FGL2: variants seen among roughly 807,000 people sequenced by gnomAD.
The protein encoded by FGL2 is fibrinogen like 2, also known as fibroleukin.
FGL2 carries 21 observed loss-of-function variants against 36.0 expected under a neutral mutation model. That is an observed-to-expected ratio of 0.58 (90% CI 0.41 to 0.84). The LOEUF (loss-of-function observed/expected upper bound fraction) is 0.84. Among genes scored for constraint, FGL2 ranks in the 40% least tolerant of loss-of-function variants. The pLI, the probability that FGL2 is intolerant of heterozygous loss-of-function variation, is 0.00. For missense variants in FGL2, 444 were observed against 526.3 expected (o/e 0.84, Z 1.53); for synonymous variants, 183 against 190.7 (o/e 0.96, Z 0.33).
Position 77,199,584 on chromosome 7 carries a change from C to T in FGL2, c.210G>A (p.Lys70=). ...ACACCTCCTCGATCCTGCTGAATTG[C>T]TTCGGGAGCTGAATAGTCAAGGGGG... ...SLPPLTIQLP[K]QFSRIEEVFK... The change falls in exon 1 of 2, where the codon AAG becomes AAA. Residue 70 remains lysine, a synonymous_variant. Transcript: ENST00000248598. The T allele has an allele frequency of 6.2e-7, 1 of 1,614,152 alleles. No homozygotes were observed.
chr7:77,197,215 A>T (rs956613100), intron 1 of FGL2, among the ~76,000 whole-genome samples: 3 of 152,264 alleles, frequency 2.0e-5, no homozygotes, highest in Non-Finnish European at 4.4e-5. Flanking sequence ...TAATAATGAC[A>T]GCATCAACAG....
In FGL2 at chr7:77,196,317, C is replaced by T; in HGVS notation, c.1282G>A (p.Ala428Thr). 6.2e-7 allele frequency: 1 copy of T among 1,614,030 alleles called. No homozygotes were observed. Among genetic ancestry groups the T allele is most frequent in the Non-Finnish European group, 8.5e-7 (1 of 1,179,976 alleles). ...TGCTTGGGTCTGATCATCATCTTAGCCTCTTTGAAGGAGGACTTGTAGCCA... is the reference window on the plus strand; with the variant it reads ...TGCTTGGGTCTGATCATCATCTTAGTCTCTTTGAAGGAGGACTTGTAGCCA... ...PGGYKSSFKE[A>T]KMMIRPKHFK... is the part of the protein sequence containing the mutation. Residue 428 changes from alanine to threonine, a missense_variant, in exon 2 of 2, where the codon GCT becomes ACT. Ala to Thr is a moderately conservative substitution (Grantham distance 58, BLOSUM62 0). Coordinates refer to ENST00000248598, the MANE Select transcript of FGL2 (RefSeq NM_006682.3). This position sits in a 1 kb window ranked among gnomAD's most constrained non-coding sequence, Gnocchi z 4.2.
rs1272280986 is a variant in FGL2, at chr7:77,196,465, G to T, written c.1134C>A (p.Gly378=). 1.2e-6 allele frequency: 2 copies of T among 1,614,100 alleles called. No homozygotes were observed. Among genetic ancestry groups the T allele is most frequent in the South Asian group, 1.1e-5 (1 of 91,082 alleles). ...CAGAAAGACATGCATCAAACCACCA[G>T]CCTGAACTGTAGTACAGCCCACAGT... The part of the protein sequence containing the change: ...SGNCGLYYSS[G]WWFDACLSAN... The change falls in exon 2 of 2, where the codon GGC becomes GGA. Residue 378 remains glycine (G), a synonymous_variant. Transcript: ENST00000248598. The surrounding 1 kb of genome is among the most constrained non-coding windows in gnomAD (Gnocchi z 4.2).
At position 77,195,732 on chromosome 7, in the gene FGL2, C is replaced by G. The variant is rs1791854473; in HGVS notation, c.*547G>C. ...AGTGCAGTGGCTCAGTCTTGGCTCA[C>G]TGCAACCTCTTCCTCTCAGGTTCAA... is the stretch of plus-strand genomic sequence containing the variant. On this transcript the variant is annotated 3_prime_UTR_variant, in exon 2 of 2. Transcript: ENST00000248598. 6.6e-6 allele frequency: 1 copy of G among 152,656 alleles called. No individual in the cohort carries two copies. The highest frequency in any genetic ancestry group is 1.5e-5 in the Non-Finnish European group (1 of 68,400). The allele number at this position is 152,656 out of a possible 1,614,324, so 9.5% of individuals were successfully genotyped here. A position where few individuals can be genotyped will look rare whatever the true frequency, so the allele number is the denominator to read the frequency against.
Position 77,196,965 on chromosome 7 carries a change from C to T in FGL2, c.634G>A (p.Asp212Asn), listed in dbSNP as rs1381441043. Residue 212 changes from aspartate (D) to asparagine (N), a missense_variant, in exon 2 of 2, where the codon GAT becomes AAT. By Grantham distance (23) the Asp-to-Asn change is conservative (BLOSUM62 1). Transcript: ENST00000248598. The surrounding 1 kb of genome is among the most constrained non-coding windows in gnomAD (Gnocchi z 4.2). The stretch of plus-strand genomic sequence containing the variant: ...CCTATTGCGTAGTAGTCAGAGCAAT[C>T]TTTATATATTAGATGTTGAACTGAA... ...SRPVQHLIYK[D>N]CSDYYAIGKR... 1.9e-6 allele frequency: 3 copies of T among 1,605,324 alleles called. No individual in the cohort carries two copies. The highest frequency in any genetic ancestry group is 1.7e-6 in the Non-Finnish European group (2 of 1,175,288).
Position 77,199,283 on chromosome 7 carries a change from T to A in FGL2, c.511A>T (p.Asn171Tyr), listed in dbSNP as rs774158090. The change falls in exon 1 of 2, where the codon AAT (asparagine) becomes TAT (tyrosine). Residue 171 changes from asparagine to tyrosine, a missense_variant. Physicochemically the swap from Asn to Tyr is moderately radical, Grantham distance 143. Transcript: ENST00000248598. ...LNLVNMNNIE[N>Y]YVDSKVANLT... ...TTTGCCACTTTGCTGTCAACATAAT[T>A]TTCTATGTTGTTCATATTTACAAGA... is the stretch of plus-strand genomic sequence containing the variant. The A allele has an allele frequency of 2.5e-6, 4 of 1,614,002 alleles. No homozygotes were observed. The highest frequency in any genetic ancestry group is 2.5e-6 in the Non-Finnish European group (3 of 1,179,896).
At position 77,194,355 on chromosome 7, in the gene FGL2, T is replaced by G. The variant is rs982530700; in HGVS notation, c.*1924A>C. On this transcript the variant is annotated 3_prime_UTR_variant, in exon 2 of 2. Coordinates refer to ENST00000248598, the MANE Select transcript of FGL2 (RefSeq NM_006682.3). ...TTAGTCTTTTTTAAAAAGTAAAAAG[T>G]AAAAAACAACGTCAGTTACATCATT... is the stretch of plus-strand genomic sequence containing the variant. The G allele has an allele frequency of 6.6e-6, 1 of 152,060 alleles. No homozygotes were observed. Among genetic ancestry groups the G allele is most frequent in the Non-Finnish European group, 1.5e-5 (1 of 67,912 alleles). 9.4% of individuals were successfully genotyped at this position (152,060 alleles called of 1,614,324 possible). A position where few individuals can be genotyped will look rare whatever the true frequency, so the allele number is the denominator to read the frequency against.
In FGL2 at chr7:77,196,050, A is replaced by G; in HGVS notation, c.*229T>C. 3 of 481,904 alleles carry G rather than the reference A, an allele frequency of 6.2e-6. No homozygotes were observed. Among genetic ancestry groups the G allele is most frequent in the East Asian group, 6.3e-5 (2 of 31,968 alleles). 29.9% of individuals were successfully genotyped at this position (481,904 alleles called of 1,614,324 possible). ...TTGTAAATCTAATGTATAATTCTCA[A>G]TATTGCTAATTGCTTGCAAGTGTTC... On this transcript the variant is annotated 3_prime_UTR_variant, in exon 2 of 2. Coordinates refer to ENST00000248598, the MANE Select transcript of FGL2 (RefSeq NM_006682.3). This position sits in a 1 kb window ranked among gnomAD's most constrained non-coding sequence, Gnocchi z 4.2.
Position 77,196,218 on chromosome 7 carries a change from G to C in FGL2, c.*61C>G, listed in dbSNP as rs904781594. The C allele has an allele frequency of 2.4e-6, 3 of 1,229,310 alleles. No individual in the cohort carries two copies. The highest frequency in any genetic ancestry group is 4.4e-5 in the Admixed American group (2 of 45,000). The allele number at this position is 1,229,310 out of a possible 1,614,324, so 76.2% of individuals were successfully genotyped here. On this transcript the variant is annotated 3_prime_UTR_variant, in exon 2 of 2. Coordinates refer to ENST00000248598, the MANE Select transcript of FGL2 (RefSeq NM_006682.3). The surrounding 1 kb of genome is among the most constrained non-coding windows in gnomAD (Gnocchi z 4.2). ...AATATGAAACAAGGCATATTCTAAA[G>C]TGCTGAAGGAATTAATTGCCCTATT... is the stretch of plus-strand genomic sequence containing the variant.
In FGL2 at chr7:77,199,199, GT is replaced by G; in HGVS notation, c.594del (p.Glu198AspfsTer11). 6.2e-7 allele frequency: 1 copy of G among 1,613,684 alleles called. No homozygotes were observed. On this transcript the variant is annotated frameshift_variant, in exon 1 of 2. Coordinates refer to ENST00000248598, the MANE Select transcript of FGL2 (RefSeq NM_006682.3). LOFTEE classifies it high-confidence loss of function. ...TACATACCTGGACGTGACTGTATTT[GT>G]TCTTGGCTGGGACACTTTGAACATT... ...DGKCSKCPSQ[E>X]QIQSRPVQHL...
intron 1 of FGL2, 24 bp downstream of exon 1, chr7:77,199,157 A>G: frequency 1.9e-6 from 3 of 1,589,554 alleles, no homozygotes; most frequent in Non-Finnish European, 2.6e-6. Flanking sequence ...TGAACATATG[A>G]TAAGAAAACA....
rs1791944460 is a variant in FGL2 at position 77,199,551 on chromosome 7, T to A, written c.243A>T (p.Glu81Asp). The change falls in exon 1 of 2, where the codon GAA becomes GAT. Residue 81 changes from glutamate to aspartate, a missense_variant. Physicochemically the swap from Glu to Asp is conservative, Grantham distance 45. Transcript: ENST00000248598. Reference protein sequence around the residue: ...QFSRIEEVFKEVQNLKEIVNS... With the variant: ...QFSRIEEVFKDVQNLKEIVNS... ...TTACGATTTCCTTGAGGTTTTGGAC[T>A]TCTTTGAACACCTCCTCGATCCTGC... 6.2e-7 allele frequency: 1 copy of A among 1,614,044 alleles called. No individual in the cohort carries two copies. Among genetic ancestry groups the A allele is most frequent in the Non-Finnish European group, 8.5e-7 (1 of 1,180,014 alleles).
Position 77,199,158 on chromosome 7 carries a change from TAAG to T in FGL2, c.613+20_613+22del. On this transcript the variant is annotated intron_variant, in intron 1 of 1. Transcript: ENST00000248598. ...CTGTATAACATTTATGAACATATGATAAGAAAACATTATTATACATACCTGGAC... is the reference window on the plus strand; with the variant it reads ...CTGTATAACATTTATGAACATATGATAAAACATTATTATACATACCTGGAC... The T allele has an allele frequency of 1.3e-6, 2 of 1,591,352 alleles. No individual in the cohort carries two copies. The highest frequency in any genetic ancestry group is 1.7e-5 in the Admixed American group (1 of 58,002).
chr7:77,197,057 G>T, intron 1 of FGL2, 72 bp from the exon 2 acceptor site: 1 of 913,602 alleles, frequency 1.1e-6, no homozygotes, highest in South Asian at 1.6e-5. Flanking sequence ...TTCTTTATAT[G>T]TACAAAAGCA....
chr7:77,193,761 T>A lies in FGL2; in HGVS notation c.*2518A>T, dbSNP rs1791813763. ...CTAAGGACCCAGTTTTAGTCAATAT[T>A]TTCAAGTAATCATGACCTCAGAAAT... On this transcript the variant is annotated 3_prime_UTR_variant, in exon 2 of 2. Transcript: ENST00000248598. 1.3e-5 allele frequency: 2 copies of A among 152,506 alleles called. No homozygotes were observed. The highest frequency in any genetic ancestry group is 4.1e-4 in the South Asian group (2 of 4,826). The allele number at this position is 152,506 out of a possible 1,614,324, so 9.4% of individuals were successfully genotyped here. A position where few individuals can be genotyped will look rare whatever the true frequency, so the allele number is the denominator to read the frequency against.
intron 1 of FGL2, chr7:77,198,125 A>T (rs1232589421): frequency 7.1e-6 from 7 of 985,102 alleles, no homozygotes; most frequent in Non-Finnish European, 8.4e-6. Context: ...ATGTCACCTA[A>T]GCGGTGAACC....
At position 77,199,719 on chromosome 7, in the gene FGL2, A is replaced by G; in HGVS notation, c.75T>C (p.Asn25=). The stretch of plus-strand genomic sequence containing the variant: ...TTTCATCTTTAATTTCCTCTGTTTC[A>G]TTGTTTGCCACAACCAAAAAACCGT... The part of the protein sequence containing the change: ...ATYGFLVVAN[N]ETEEIKDERA... Residue 25 remains asparagine (N), a synonymous_variant, in exon 1 of 2, where the codon AAT becomes AAC. Coordinates refer to ENST00000248598, the MANE Select transcript of FGL2 (RefSeq NM_006682.3). 1 of 1,613,968 alleles carries G rather than the reference A, an allele frequency of 6.2e-7. No individual in the cohort carries two copies. The highest frequency in any genetic ancestry group is 8.5e-7 in the Non-Finnish European group (1 of 1,179,984).
At position 77,199,527 on chromosome 7, in the gene FGL2, T is replaced by A; in HGVS notation, c.267A>T (p.Val89=). 1 of 1,614,160 alleles carries A rather than the reference T, an allele frequency of 6.2e-7. No homozygotes were observed. Among genetic ancestry groups the A allele is most frequent in the South Asian group, 1.1e-5 (1 of 91,084 alleles). Reference sequence around the variant, plus strand: ...CTTGGCAAGATTTCTTTAGACTATTTACGATTTCCTTGAGGTTTTGGACTT... The same window carrying A: ...CTTGGCAAGATTTCTTTAGACTATTAACGATTTCCTTGAGGTTTTGGACTT... ...FKEVQNLKEI[V]NSLKKSCQDC... Residue 89 remains valine, a synonymous_variant, in exon 1 of 2, where the codon GTA becomes GTT. Coordinates refer to ENST00000248598, the MANE Select transcript of FGL2 (RefSeq NM_006682.3).
chr7:77,195,966 T>G lies in FGL2; in HGVS notation c.*313A>C. The G allele has an allele frequency of 4.0e-6, 1 of 252,116 alleles. No individual in the cohort carries two copies. 15.6% of individuals were successfully genotyped at this position (252,116 alleles called of 1,614,324 possible). ...GCTACCACACCCAGCCAACAATTAT[T>G]TTTTAAATACAGCAAGTAATACAAG... On this transcript the variant is annotated 3_prime_UTR_variant, in exon 2 of 2. Transcript: ENST00000248598.
Sources: allele counts gnomAD v4.1 joint callset (sites outside exome capture counted in the v4.1 genomes callset), GRCh38; gene constraint gnomAD v4.1.1; non-coding constraint Gnocchi (gnomAD v3.1); transcripts MANE v1.5; gene names NCBI Gene and HGNC (gene_info 2026-07-23, HGNC 2026-07-21).